The following SPRY3 variants were observed in gnomAD, a reference collection of about 807,000 sequenced individuals.
The protein encoded by SPRY3 is protein sprouty homolog 3.
A neutral mutation model predicts 20.2 loss-of-function variants in SPRY3; 15 were observed. The ratio of observed to expected loss-of-function variants is 0.74; its 90% CI spans 0.50 to 1.14. The LOEUF is 1.14. Among genes scored for constraint, SPRY3 ranks in the 50% most tolerant of loss-of-function variants. The pLI, the probability that SPRY3 is intolerant of heterozygous loss-of-function variation, is 0.00. For missense variants in SPRY3, 364 were observed against 363.9 expected (o/e 1.00, Z 0.00); for synonymous variants, 143 against 136.5 (o/e 1.05, Z -0.33).
intron 2 of SPRY3, among the ~76,000 whole-genome samples, chrX:155,765,291 GACA>G (rs2091320652): frequency 2.2e-5 from 1 of 44,626 alleles, no homozygotes; most frequent in Admixed American, 1.7e-4. Context: ...TCTGGAGTGA[GACA>G]GCCTGAGTCA....
At chrX:155,705,317 G>A (rs1243084372) in intron 2 of SPRY3, among the ~76,000 whole-genome samples, 1 of 151,364 alleles carries the variant, frequency 6.6e-6, no homozygotes, top group Non-Finnish European at 1.5e-5. Flanking sequence ...GGTAGACTGT[G>A]ATTTTTTGAA....
chrX:155,714,891 A>G (rs1343736055), intron 2 of SPRY3, among the ~76,000 whole-genome samples: 4 of 152,020 alleles, frequency 2.6e-5, no homozygotes, highest in Non-Finnish European at 4.4e-5. Flanking sequence ...CTGCCAGCCC[A>G]CCACCAATGT....
intron 1 of SPRY3, among the ~76,000 whole-genome samples, chrX:155,644,046 C>T (rs371919761): frequency 2.7e-5 from 3 of 111,324 alleles, no homozygotes; most frequent in African/African-American, 9.8e-5. Context: ...TTTAACATTT[C>T]TTGTCGGGCA....
intron 2 of SPRY3, among the ~76,000 whole-genome samples, chrX:155,697,635 T>G (rs868245206): frequency 2.9e-5 from 3 of 104,967 alleles, no homozygotes; most frequent in Non-Finnish European, 5.9e-5. Flanking sequence ...TAGGTAGGGG[T>G]GTGTGTGTGT....
intron 1 of SPRY3, among the ~76,000 whole-genome samples, chrX:155,634,137 A>G (rs2067916225): frequency 9.0e-6 from 1 of 110,874 alleles, no homozygotes; most frequent in Admixed American, 9.6e-5. Context: ...TCCAAAGGAC[A>G]GGAGCATTTT....
chrX:155,756,806 A>C (rs1477021637), intron 2 of SPRY3, among the ~76,000 whole-genome samples: 1 of 152,190 alleles, frequency 6.6e-6, no homozygotes, highest in African/African-American at 2.4e-5. Flanking sequence ...ACACAAATAC[A>C]AACAACATAT....
chrX:155,684,341 T>C (rs1000915449), intron 2 of SPRY3, among the ~76,000 whole-genome samples: 1 of 110,959 alleles, frequency 9.0e-6, no homozygotes, highest in Non-Finnish European at 1.9e-5. Flanking sequence ...TTGCAGCAGG[T>C]GAAGGGACTG....
intron 2 of SPRY3, among the ~76,000 whole-genome samples, chrX:155,721,524 C>G (rs1455056240): frequency 6.6e-6 from 1 of 151,888 alleles, no homozygotes; most frequent in Non-Finnish European, 1.5e-5. Flanking sequence ...TCCCAAAGGT[C>G]AAGGATAAAG....
At chrX:155,718,274 A>G (rs2091034959) in intron 2 of SPRY3, among the ~76,000 whole-genome samples, 1 of 152,182 alleles carries the variant, frequency 6.6e-6, no homozygotes, top group African/African-American at 2.4e-5. Flanking sequence ...TTGGGAGTAT[A>G]AATGTGTAAG....
At chrX:155,749,547 A>C (rs1326253565) in intron 2 of SPRY3, among the ~76,000 whole-genome samples, 2 of 151,764 alleles carry the variant, frequency 1.3e-5, no homozygotes, top group Non-Finnish European at 2.9e-5. Context: ...AACACAAAAT[A>C]AAAAAAATTT....
intron 2 of SPRY3, among the ~76,000 whole-genome samples, chrX:155,743,641 T>G (rs2091213645): frequency 6.6e-6 from 1 of 152,118 alleles, no homozygotes; most frequent in African/African-American, 2.4e-5. Flanking sequence ...AACCTTTCCT[T>G]TTGTGCAATT....
At chrX:155,675,137 T>C (rs1557355128) in intron 2 of SPRY3, among the ~76,000 whole-genome samples, 1 of 112,114 alleles carries the variant, frequency 8.9e-6, no homozygotes, top group Non-Finnish European at 1.9e-5. Context: ...GTCAAATGCC[T>C]GCCTTATTCA....
chrX:155,773,307 GATATATATATATATATAT>G (rs1556238552), intron 3 of SPRY3, among the ~76,000 whole-genome samples: 4 of 120,740 alleles, frequency 3.3e-5, no homozygotes, highest in African/African-American at 9.3e-5. Flanking sequence ...ATTTTGATTG[GATATATATATATATATAT>G]ATATATATAT....
intron 2 of SPRY3, among the ~76,000 whole-genome samples, chrX:155,706,072 A>C (rs1205258590): frequency 6.6e-6 from 1 of 151,306 alleles, no homozygotes; most frequent in Non-Finnish European, 1.5e-5. Context: ...TTTCTTTTCA[A>C]ATGTGTGTGG....
intron 2 of SPRY3, among the ~76,000 whole-genome samples, chrX:155,763,605 C>G (rs2091312965): frequency 6.6e-6 from 1 of 152,072 alleles, no homozygotes; most frequent in South Asian, 2.1e-4. Flanking sequence ...TATTCCAATC[C>G]TCTCTTCAAT....
chrX:155,774,725 A>G (rs1333473136), exon 4 of SPRY3: 1 of 1,612,014 alleles, frequency 6.2e-7, no homozygotes, highest in Admixed American at 1.7e-5. Flanking sequence ...AAGGCCCAGG[A>G]AAAGTCTGTA....
chrX:155,768,289 T>C (rs1418678170), intron 3 of SPRY3, among the ~76,000 whole-genome samples, 153 bp downstream of exon 2: 1 of 152,046 alleles, frequency 6.6e-6, no homozygotes, highest in Non-Finnish European at 1.5e-5. Context: ...TAAAATAAAA[T>C]GAAAACCCTT....
At chrX:155,727,990 C>CT (rs2091109832) in intron 2 of SPRY3, among the ~76,000 whole-genome samples, 1 of 152,032 alleles carries the variant, frequency 6.6e-6, no homozygotes, top group Non-Finnish European at 1.5e-5. Context: ...TGTGGATGTC[C>CT]TTTTTGTTGA....
At chrX:155,721,668 G>GAA (rs917644287) in intron 2 of SPRY3, among the ~76,000 whole-genome samples, 1 of 143,974 alleles carries the variant, frequency 6.9e-6, no homozygotes, top group Non-Finnish European at 1.5e-5. Context: ...AGAGCTGAAG[G>GAA]AAAAAAAAAA....
Sources: gnomAD v4.1 joint callset for allele counts (sites outside exome capture counted in the v4.1 genomes callset) on GRCh38, gnomAD v4.1.1 for gene constraint, MANE v1.5 for transcripts, NCBI Gene and HGNC (gene_info 2026-07-23, HGNC 2026-07-21) for gene names.